The following CCDC112 variants were observed in gnomAD, a reference collection of about 807,000 sequenced individuals.
CCDC112 encodes coiled-coil domain containing 112.
A neutral mutation model predicts 66.3 loss-of-function variants in CCDC112; 40 were observed. That is an observed-to-expected ratio of 0.60 (90% CI 0.47 to 0.79). The LOEUF is 0.79. Among genes scored for constraint, CCDC112 ranks in the 30% least tolerant of loss-of-function variants. CCDC112 has a pLI of 0.00. For missense variants in CCDC112, 659 were observed against 603.8 expected (o/e 1.09, Z -0.96); for synonymous variants, 214 against 197.2 (o/e 1.09, Z -0.71).
intron 8 of CCDC112, 68 bp from the exon 9 acceptor site, chr5:115,269,068 A>T: frequency 1.2e-6 from 1 of 852,966 alleles, no homozygotes; most frequent in East Asian, 2.9e-5. Flanking sequence ...AATAAGTAAA[A>T]GCCTTAGTGC....
At position 115,277,037 on chromosome 5, in the gene CCDC112, G is replaced by T. The variant is rs1156470610; in HGVS notation, c.379C>A (p.Gln127Lys). ...RKTERAKIQQQLAKIHNNVKK... is the reference protein window; with the variant it reads ...RKTERAKIQQKLAKIHNNVKK... ...ACATTATTATGTATTTTGGCCAATTGTTGCTGGATTTTTGCTCCTATAAGA... is the reference window on the plus strand; with the variant it reads ...ACATTATTATGTATTTTGGCCAATTTTTGCTGGATTTTTGCTCCTATAAGA... The change falls in exon 4 of 10, where the codon CAA becomes AAA. Residue 127 changes from glutamine (Q) to lysine (K), a missense_variant. Gln to Lys is a moderately conservative substitution (Grantham distance 53). Coordinates refer to ENST00000379611, the MANE Select transcript of CCDC112 (RefSeq NM_001040440.3). 2 of 1,607,818 alleles carry T rather than the reference G, an allele frequency of 1.2e-6. No homozygotes were observed. The highest frequency in any genetic ancestry group is 4.5e-5 in the East Asian group (2 of 44,622).
chr5:115,269,817 T>C lies in CCDC112; in HGVS notation c.1333-19A>G, dbSNP rs73257446. On this transcript the variant is annotated intron_variant, in intron 7 of 9. Transcript: ENST00000379611. ...GTAAATCCTTAAAAAAAAAAACCCA[T>C]AGCATTAAGAAAGCATGTGAACTAG... The C allele has an allele frequency of 2.5e-3, 3,552 of 1,410,116 alleles. 77 individuals are homozygous for C. The African/African-American group carries it at 0.045, about 18-fold the overall frequency. The allele number at this position is 1,410,116 out of a possible 1,614,324, so 87.4% of individuals were successfully genotyped here. A position where few individuals can be genotyped will look rare whatever the true frequency, so the allele number is the denominator to read the frequency against.
intron 2 of CCDC112, among the ~76,000 whole-genome samples, chr5:115,281,234 G>C (rs1284325902): frequency 1.3e-5 from 2 of 152,062 alleles, no homozygotes; most frequent in African/African-American, 4.8e-5. Context: ...ATGTTGGCCA[G>C]GCTAGTCTCA....
intron 1 of CCDC112, among the ~76,000 whole-genome samples, chr5:115,292,781 C>G (rs754547972): frequency 1.3e-5 from 2 of 152,194 alleles, no homozygotes; most frequent in East Asian, 3.8e-4. Flanking sequence ...ATGCATTGAA[C>G]CACTATGTGT....
intron 5 of CCDC112, 59 bp from the exon 6 acceptor site, chr5:115,275,665 C>A: frequency 8.2e-7 from 1 of 1,224,638 alleles, no homozygotes; most frequent in Non-Finnish European, 1.1e-6. Context: ...CCTTAATTTT[C>A]CATCAAATTT....
intron 1 of CCDC112, among the ~76,000 whole-genome samples, chr5:115,290,330 T>G (rs534007922): frequency 2.6e-5 from 4 of 152,356 alleles, no homozygotes; most frequent in African/African-American, 9.6e-5. Context: ...TTGATCTATA[T>G]GTCTATTGTC....
intron 2 of CCDC112, among the ~76,000 whole-genome samples, chr5:115,281,093 A>G (rs1266650585): frequency 1.3e-5 from 2 of 149,798 alleles, no homozygotes; most frequent in Non-Finnish European, 3.0e-5. Flanking sequence ...GTGCGATTTC[A>G]GCTCACTGTA....
intron 6 of CCDC112, among the ~76,000 whole-genome samples, chr5:115,274,979 G>C (rs1749142055): frequency 6.6e-6 from 1 of 152,196 alleles, no homozygotes; most frequent in Non-Finnish European, 1.5e-5. Flanking sequence ...CTGAGCTCAA[G>C]TGATCCATCC....
chr5:115,271,840 TC>T (rs1289120901), intron 6 of CCDC112, among the ~76,000 whole-genome samples: 2 of 152,156 alleles, frequency 1.3e-5, no homozygotes, highest in African/African-American at 2.4e-5. Context: ...TAATGGGTCA[TC>T]CTTTTGGCCT....
intron 3 of CCDC112, 65 bp downstream of exon 3, chr5:115,279,582 G>A (rs1465858700): frequency 2.6e-5 from 39 of 1,527,892 alleles, no homozygotes; most frequent in Non-Finnish European, 3.4e-5. Context: ...CAAAGACAAA[G>A]CACAGGGTAA....
At chr5:115,268,533 A>G (rs1164240693) in intron 9 of CCDC112, among the ~76,000 whole-genome samples, 1 of 151,828 alleles carries the variant, frequency 6.6e-6, no homozygotes. Context: ...GGCCTCCCAA[A>G]GTGCTGGGAT....
rs769520015 is a variant in CCDC112 at position 115,271,399 on chromosome 5, CTCTTCT to C, written c.1140_1145del (p.Glu381_Glu382del). 1.2e-6 allele frequency: 2 copies of C among 1,608,034 alleles called. No homozygotes were observed. Among genetic ancestry groups the C allele is most frequent in the African/African-American group, 1.3e-5 (1 of 74,328 alleles). ...GTTCTTTCTGATGTTTTTTCTCTTT[CTCTTCT>C]TCTTCTTTTAACTGGGAAGCACATT... On this transcript the variant is annotated inframe_deletion, in exon 7 of 10. Coordinates refer to ENST00000379611, the MANE Select transcript of CCDC112 (RefSeq NM_001040440.3).
chr5:115,279,158 A>C (rs748509423), intron 3 of CCDC112, among the ~76,000 whole-genome samples: 2 of 152,172 alleles, frequency 1.3e-5, no homozygotes, highest in Non-Finnish European at 2.9e-5. Flanking sequence ...GGTAGAAATG[A>C]CAAGTTTTAG....
chr5:115,274,261 A>C (rs2127054509), intron 6 of CCDC112, among the ~76,000 whole-genome samples: 1 of 152,318 alleles, frequency 6.6e-6, no homozygotes. Flanking sequence ...ATGCCATCCT[A>C]TAATGCACAG....
intron 2 of CCDC112, among the ~76,000 whole-genome samples, chr5:115,284,527 G>T (rs1157665780): frequency 6.6e-6 from 1 of 152,034 alleles, no homozygotes; most frequent in African/African-American, 2.4e-5. Context: ...TAAAGAAACA[G>T]CTATTTTTTT....
chr5:115,268,862 C>T lies in CCDC112; in HGVS notation c.1547+20G>A. On this transcript the variant is annotated intron_variant, in intron 9 of 9. Transcript: ENST00000379611. Reference sequence around the variant, plus strand: ...AGCAATTAAATTACTAAATGAACACCAATTCTAACTCTTTCTTACCTATGT... The same window carrying T: ...AGCAATTAAATTACTAAATGAACACTAATTCTAACTCTTTCTTACCTATGT... 1 of 1,379,594 alleles carries T rather than the reference C, an allele frequency of 7.2e-7. No individual in the cohort carries two copies. Among genetic ancestry groups the T allele is most frequent in the Non-Finnish European group, 9.9e-7 (1 of 1,005,318 alleles). 85.5% of individuals were successfully genotyped at this position (1,379,594 alleles called of 1,614,324 possible).
At chr5:115,291,184 T>G (rs1003533944) in intron 1 of CCDC112, among the ~76,000 whole-genome samples, 1 of 152,144 alleles carries the variant, frequency 6.6e-6, no homozygotes, top group Non-Finnish European at 1.5e-5. Context: ...AATTGACCTA[T>G]CTTCATGAAA....
chr5:115,288,660 AG>A (rs1270825887), intron 1 of CCDC112, among the ~76,000 whole-genome samples: 4 of 152,234 alleles, frequency 2.6e-5, no homozygotes, highest in Non-Finnish European at 5.9e-5. Context: ...ATCGCCATTT[AG>A]TACACTTAGT....
At chr5:115,286,412 T>C (rs1749677430) in intron 1 of CCDC112, among the ~76,000 whole-genome samples, 1 of 152,246 alleles carries the variant, frequency 6.6e-6, no homozygotes, top group Non-Finnish European at 1.5e-5. Context: ...CTCCATTATA[T>C]GGGTCTACCA....
Sources: allele counts gnomAD v4.1 joint callset (sites outside exome capture counted in the v4.1 genomes callset), GRCh38; gene constraint gnomAD v4.1.1; transcripts MANE v1.5; gene names NCBI Gene and HGNC (gene_info 2026-07-23, HGNC 2026-07-21).